MYH11: variants seen among roughly 807,000 people sequenced by gnomAD.
MYH11 encodes myosin heavy chain 11, also known as myosin-11.
MYH11 carries 80 observed loss-of-function variants against 246.6 expected under a neutral mutation model. The ratio of observed to expected loss-of-function variants is 0.32; its 90% CI spans 0.27 to 0.39. The LOEUF (loss-of-function observed/expected upper bound fraction) is 0.39, where lower values mean the gene tolerates loss of function less well. MYH11 is among the 10% of genes least tolerant of loss of function. MYH11 has a pLI of 1.00. For synonymous variants in MYH11, 1,071 were observed against 1,015.5 expected (o/e 1.05, Z -1.04); for missense variants, 2,158 against 2,546.8 (o/e 0.85, Z 3.29).
At chr16:15,810,472 C>A (rs1397465517) in intron 3 of MYH11, among the ~76,000 whole-genome samples, 1 of 152,164 alleles carries the variant, frequency 6.6e-6, no homozygotes, top group Non-Finnish European at 1.5e-5. Context: ...CAAACAGACA[C>A]TCCTAGCACC....
At chr16:15,742,805 T>TTTATTTA (rs1333694775) in intron 20 of MYH11, among the ~76,000 whole-genome samples, 1 of 150,958 alleles carries the variant, frequency 6.6e-6, no homozygotes, top group Non-Finnish European at 1.5e-5. Flanking sequence ...CAACTTTACA[T>TTTATTTA]AGCCATCTTT....
rs537622541 is a variant in MYH11 at position 15,792,990 on chromosome 16, C to T, written c.530+5670G>A. ...GCTCAAGCGATCAGCCTGCCTTGGC[C>T]TCCCGAAGTGCTAGGATTACAGGCA... is the stretch of plus-strand genomic sequence containing the variant. On this transcript the variant is annotated intron_variant, in intron 4 of 40. Transcript: ENST00000300036. Among the ~76,000 whole-genome samples the T allele has an allele frequency of 1.8e-3, 276 of 152,320 alleles. 1 individual carries two copies. Among genetic ancestry groups the T allele is most frequent in the Non-Finnish European group, 3.1e-3 (209 of 68,032 alleles).
chr16:15,735,922 C>T (rs2041104357), intron 25 of MYH11, among the ~76,000 whole-genome samples: 1 of 152,208 alleles, frequency 6.6e-6, no homozygotes, highest in African/African-American at 2.4e-5. Context: ...GAATGTTGGA[C>T]AGTTCTTCTT....
chr16:15,818,801 G>A (rs771572218), intron 3 of MYH11, among the ~76,000 whole-genome samples: 9 of 152,270 alleles, frequency 5.9e-5, no homozygotes, highest in South Asian at 2.1e-4. Context: ...CAAAATAGAC[G>A]AGGGCATAGC....
At chr16:15,797,321 C>T (rs1412829829) in intron 4 of MYH11, among the ~76,000 whole-genome samples, 1 of 152,008 alleles carries the variant, frequency 6.6e-6, no homozygotes, top group Non-Finnish European at 1.5e-5. Context: ...AACATATGCA[C>T]GTCCATGCAA....
chr16:15,734,075 G>C (rs1055792806), intron 26 of MYH11, among the ~76,000 whole-genome samples: 3 of 152,228 alleles, frequency 2.0e-5, no homozygotes, highest in Non-Finnish European at 4.4e-5. Flanking sequence ...AGTTTCACTA[G>C]AGTCAGGATT....
chr16:15,851,860 C>T (rs2044338117), intron 1 of MYH11, among the ~76,000 whole-genome samples: 4 of 152,168 alleles, frequency 2.6e-5, no homozygotes. Context: ...AAGGATGCTT[C>T]TGGAAGCGAG....
chr16:15,743,966 A>G (rs1453337299), intron 20 of MYH11, among the ~76,000 whole-genome samples: 1 of 152,208 alleles, frequency 6.6e-6, no homozygotes, highest in Non-Finnish European at 1.5e-5. Flanking sequence ...TGACTCTGCC[A>G]GAAATAAAAA....
chr16:15,823,538 C>T, intron 2 of MYH11, 127 bp from the exon 3 acceptor site: 7 of 1,171,732 alleles, frequency 6.0e-6, no homozygotes, highest in Non-Finnish European at 8.9e-6. Flanking sequence ...AAACCCTGGG[C>T]CTCACTGATA....
chr16:15,793,615 C>CTTTTTTT (rs572455483), intron 4 of MYH11, among the ~76,000 whole-genome samples: 15 of 93,818 alleles, frequency 1.6e-4, no homozygotes, highest in African/African-American at 3.6e-4. Flanking sequence ...CTTTTCTTTT[C>CTTTTTTT]TTTTTTTTTT....
intron 4 of MYH11, among the ~76,000 whole-genome samples, chr16:15,788,126 GT>G (rs2042521839): frequency 1.8e-5 from 2 of 110,688 alleles, no homozygotes; most frequent in African/African-American, 7.2e-5. Context: ...CTAGCTGCCT[GT>G]TTTGGCCACC....
intron 32 of MYH11, 144 bp downstream of exon 32, chr16:15,721,278 C>T (rs944481523): frequency 4.7e-6 from 5 of 1,062,112 alleles, no homozygotes; most frequent in African/African-American, 1.6e-5. Context: ...CTCCCAGCCC[C>T]TGCACCAGTC....
At position 15,788,095 on chromosome 16, in the gene MYH11, T is replaced by TTTTTTTTTTTTTTA. The variant is rs11273419; in HGVS notation, c.531-1364_531-1363insTAAAAAAAAAAAAA. Among the ~76,000 whole-genome samples, 84 of 99,372 alleles carry TTTTTTTTTTTTTTA rather than the reference T, an allele frequency of 8.5e-4. 7 individuals carry two copies. The highest frequency in any genetic ancestry group is 2.6e-3 in the South Asian group (6 of 2,344). The allele number at this position is 99,372 out of a possible 152,430, so 65.2% of individuals were successfully genotyped here. ...GGTAGATCTTTTTTTTTTTTTTTTTTACCAAGATGGCTTTCGTGCACTAGC... is the reference window on the plus strand; with the variant it reads ...GGTAGATCTTTTTTTTTTTTTTTTTTTTTTTTTTTTTTTAACCAAGATGGCTTTCGTGCACTAGC... On this transcript the variant is annotated intron_variant, in intron 4 of 40. Transcript: ENST00000300036.
Position 15,752,987 on chromosome 16 carries a change from T to C in MYH11, c.1864+407A>G, listed in dbSNP as rs142372435. Among the ~76,000 whole-genome samples, 429 of 152,262 alleles carry C rather than the reference T, an allele frequency of 2.8e-3. 2 individuals are homozygous for C. The highest frequency in any genetic ancestry group is 9.9e-3 in the African/African-American group (410 of 41,554). On this transcript the variant is annotated intron_variant, in intron 15 of 40. Transcript: ENST00000300036. ...CCTCTAGTAGAGACGGCAACTATTA[T>C]TGCATCTCCTGTTTTACTAATGAGG...
At chr16:15,736,471 G>T (rs1253349614) in intron 25 of MYH11, among the ~76,000 whole-genome samples, 1 of 152,122 alleles carries the variant, frequency 6.6e-6, no homozygotes, top group Non-Finnish European at 1.5e-5. Context: ...TAGGGACAGG[G>T]TCTTGCTATG....
At chr16:15,717,038 A>C in intron 38 of MYH11, 102 bp downstream of exon 38, 10 of 1,293,456 alleles carry the variant, frequency 7.7e-6, no homozygotes, top group Non-Finnish European at 1.1e-5. Context: ...CTTGCTTCTT[A>C]CAAGCCAGAA....
chr16:15,839,242 G>A (rs2043987751), intron 1 of MYH11, among the ~76,000 whole-genome samples: 1 of 151,604 alleles, frequency 6.6e-6, no homozygotes, highest in Non-Finnish European at 1.5e-5. Context: ...GTATATAACT[G>A]GAAACTCAGT....
chr16:15,735,151 C>T (rs2151240231), intron 26 of MYH11, among the ~76,000 whole-genome samples: 1 of 149,052 alleles, frequency 6.7e-6, no homozygotes, highest in Admixed American at 6.7e-5. Context: ...TGCACTCCAG[C>T]CTAGGCAACA....
intron 5 of MYH11, chr16:15,782,773 A>G: frequency 2.4e-6 from 1 of 408,706 alleles, no homozygotes; most frequent in South Asian, 2.3e-5. Flanking sequence ...GCCTTGCACA[A>G]TGTCGGTGAT....
Sources: allele counts gnomAD v4.1 joint callset (sites outside exome capture counted in the v4.1 genomes callset), GRCh38; gene constraint gnomAD v4.1.1; transcripts MANE v1.5; gene names NCBI Gene and HGNC (gene_info 2026-07-23, HGNC 2026-07-21).